The following CACNA2D3 variants were observed in gnomAD, a reference collection of about 807,000 sequenced individuals.
CACNA2D3 encodes calcium voltage-gated channel auxiliary subunit alpha2delta 3.
A neutral mutation model predicts 160.6 loss-of-function variants in CACNA2D3; 60 were observed. That is an observed-to-expected ratio of 0.37 (90% CI 0.30 to 0.46). The LOEUF (loss-of-function observed/expected upper bound fraction) is 0.46. CACNA2D3 is among the 20% of genes least tolerant of loss of function. The pLI is 1.00. For missense variants in CACNA2D3, 1,205 were observed against 1,365.0 expected (o/e 0.88, Z 1.85); for synonymous variants, 558 against 492.9 (o/e 1.13, Z -1.75).
chr3:54,994,923 A>G (rs1461150156), intron 31 of CACNA2D3, among the ~76,000 whole-genome samples: 1 of 151,974 alleles, frequency 6.6e-6, no homozygotes, highest in Non-Finnish European at 1.5e-5. Flanking sequence ...TTTTACATTC[A>G]TATTTGCTCT....
At chr3:54,130,477 A>C (rs1395924221) in intron 2 of CACNA2D3, among the ~76,000 whole-genome samples, 1 of 152,198 alleles carries the variant, frequency 6.6e-6, no homozygotes, top group Non-Finnish European at 1.5e-5. Context: ...TGCTTAATCT[A>C]ATAGTAAAAA....
At chr3:55,007,885 T>G (rs1369337129) in intron 33 of CACNA2D3, 43 bp downstream of exon 33, 1 of 1,356,658 alleles carries the variant, frequency 7.4e-7, no homozygotes, top group Non-Finnish European at 1.0e-6. Flanking sequence ...TATTAATATT[T>G]TCCTTTTTGT....
At chr3:54,650,984 C>G (rs1224174166) in intron 11 of CACNA2D3, among the ~76,000 whole-genome samples, 2 of 152,164 alleles carry the variant, frequency 1.3e-5, no homozygotes, top group Non-Finnish European at 2.9e-5. Context: ...GTTGAGGAAA[C>G]TGAGGCATGA....
intron 5 of CACNA2D3, among the ~76,000 whole-genome samples, chr3:54,548,016 A>C (rs1046459032): frequency 1.3e-5 from 2 of 152,150 alleles, no homozygotes; most frequent in African/African-American, 4.8e-5. Flanking sequence ...TTCTTTATAC[A>C]AGTGATGTGT....
At chr3:54,364,817 T>G (rs1225524679) in intron 3 of CACNA2D3, among the ~76,000 whole-genome samples, 1 of 152,242 alleles carries the variant, frequency 6.6e-6, no homozygotes. Context: ...AAAGTAGCAT[T>G]TTTGACATCA....
At chr3:54,600,806 C>T (rs1304065978) in intron 9 of CACNA2D3, among the ~76,000 whole-genome samples, 2 of 151,894 alleles carry the variant, frequency 1.3e-5, no homozygotes, top group South Asian at 2.1e-4. Context: ...CTGTGGGTCT[C>T]GCAGGGAGCA....
chr3:54,152,996 T>G (rs1700180222), intron 2 of CACNA2D3, among the ~76,000 whole-genome samples: 1 of 152,192 alleles, frequency 6.6e-6, no homozygotes, highest in Non-Finnish European at 1.5e-5. Context: ...TTATCACACT[T>G]GCTTCCTCAT....
chr3:54,937,734 G>A (rs909446327), intron 27 of CACNA2D3, among the ~76,000 whole-genome samples: 3 of 152,062 alleles, frequency 2.0e-5, no homozygotes, highest in Non-Finnish European at 2.9e-5. Flanking sequence ...GGGAAGAGAC[G>A]AGGGCCATTC....
chr3:54,624,291 T>A (rs1699047891), intron 9 of CACNA2D3, among the ~76,000 whole-genome samples: 2 of 151,746 alleles, frequency 1.3e-5, no homozygotes, highest in Admixed American at 1.3e-4. Flanking sequence ...TACACAGAGA[T>A]GAAAAGAAAA....
chr3:54,881,471 G>A (rs901984313), intron 21 of CACNA2D3, among the ~76,000 whole-genome samples: 1 of 152,224 alleles, frequency 6.6e-6, no homozygotes, highest in Admixed American at 6.5e-5. Flanking sequence ...TAAACTCTCA[G>A]TAAACAGGAG....
At chr3:54,378,181 A>G (rs769721598) in intron 3 of CACNA2D3, among the ~76,000 whole-genome samples, 1 of 152,202 alleles carries the variant, frequency 6.6e-6, no homozygotes, top group Non-Finnish European at 1.5e-5. Flanking sequence ...CCTTTTTGGC[A>G]TCAGGGATCG....
intron 13 of CACNA2D3, among the ~76,000 whole-genome samples, chr3:54,771,633 C>A (rs1349992337): frequency 1.3e-5 from 2 of 152,208 alleles, no homozygotes; most frequent in Non-Finnish European, 2.9e-5. Context: ...TTGTTTTCCT[C>A]CAGCCCAGCA....
chr3:54,202,172 G>C (rs529993681), intron 2 of CACNA2D3, among the ~76,000 whole-genome samples: 1 of 152,302 alleles, frequency 6.6e-6, no homozygotes, highest in East Asian at 1.9e-4. Flanking sequence ...CGTGCAGAAC[G>C]GGAAGGGAAG....
rs1703055085 is a variant in CACNA2D3 at position 55,004,768 on chromosome 3, C to T, written c.2696C>T (p.Thr899Ile). The T allele has an allele frequency of 3.7e-6, 6 of 1,612,356 alleles. No individual in the cohort carries two copies. Among genetic ancestry groups the T allele is most frequent in the Non-Finnish European group, 5.1e-6 (6 of 1,178,624 alleles). Residue 899 changes from threonine (T) to isoleucine (I), a missense_variant, in exon 32 of 38, where the codon ACC (threonine) becomes ATC (isoleucine). Coordinates refer to ENST00000474759, the MANE Select transcript of CACNA2D3 (RefSeq NM_018398.3). Reference sequence around the variant, plus strand: ...CTTCCATTTCTTTCCTGTAGAATTACCCTTTATGACTACCAAGCCATGTGT... The same window carrying T: ...CTTCCATTTCTTTCCTGTAGAATTATCCTTTATGACTACCAAGCCATGTGT... ...LLTMGSFKRI[T>I]LYDYQAMCRA... is the part of the protein sequence containing the mutation.
At chr3:54,287,648 TA>T (rs1703068394) in intron 2 of CACNA2D3, among the ~76,000 whole-genome samples, 1 of 143,128 alleles carries the variant, frequency 7.0e-6, no homozygotes, top group South Asian at 2.4e-4. Flanking sequence ...ACACCACACC[TA>T]TTCCAAAATT....
intron 27 of CACNA2D3, among the ~76,000 whole-genome samples, chr3:54,964,542 C>T (rs904641107): frequency 2.0e-5 from 3 of 151,952 alleles, no homozygotes; most frequent in African/African-American, 7.3e-5. Context: ...GCTGAAAGAA[C>T]AAAATAGACG....
intron 17 of CACNA2D3, among the ~76,000 whole-genome samples, chr3:54,869,767 G>C (rs111582706): frequency 6.6e-6 from 1 of 152,176 alleles, no homozygotes; most frequent in Non-Finnish European, 1.5e-5. Context: ...TGACAACTCC[G>C]GTTGACCTCG....
At chr3:54,914,232 C>T (rs1700614334) in intron 27 of CACNA2D3, among the ~76,000 whole-genome samples, 1 of 151,946 alleles carries the variant, frequency 6.6e-6, no homozygotes, top group Non-Finnish European at 1.5e-5. Flanking sequence ...GGTTTAATCT[C>T]TTATGTCAAC....
chr3:54,201,168 C>T (rs1056283950), intron 2 of CACNA2D3, among the ~76,000 whole-genome samples: 3 of 152,132 alleles, frequency 2.0e-5, no homozygotes, highest in South Asian at 2.1e-4. Flanking sequence ...GTTGAAATCA[C>T]GTTTTGTATA....
Sources: gnomAD v4.1 joint callset for allele counts (sites outside exome capture counted in the v4.1 genomes callset) on GRCh38, gnomAD v4.1.1 for gene constraint, MANE v1.5 for transcripts, NCBI Gene and HGNC (gene_info 2026-07-23, HGNC 2026-07-21) for gene names.